The following ZZEF1 variants were observed in gnomAD, a reference collection of about 807,000 sequenced individuals.
The protein encoded by ZZEF1 is zinc finger ZZ-type and EF-hand domain-containing protein 1.
A neutral mutation model predicts 342.8 loss-of-function variants in ZZEF1; 157 were observed. That is an observed-to-expected ratio of 0.46 (90% confidence interval 0.40 to 0.52). The LOEUF (loss-of-function observed/expected upper bound fraction) is 0.52. Among genes scored for constraint, ZZEF1 ranks in the 20% least tolerant of loss-of-function variants. The probability of loss-of-function intolerance (pLI) is 0.00; values close to 1 mark genes in which losing one functional copy is unlikely to be tolerated. For synonymous variants in ZZEF1, 1,505 were observed against 1,429.1 expected (o/e 1.05, Z -1.20); for missense variants, 3,480 against 3,725.6 (o/e 0.93, Z 1.72).
At chr17:4,096,538 C>A in intron 10 of ZZEF1, 71 bp downstream of exon 10, 1 of 1,268,656 alleles carries the variant, frequency 7.9e-7, no homozygotes, top group Non-Finnish European at 1.1e-6. Flanking sequence ...AATATATATA[C>A]CTACTATGTA....
At chr17:4,038,424 T>A (rs2056724108) in intron 39 of ZZEF1, among the ~76,000 whole-genome samples, 1 of 152,200 alleles carries the variant, frequency 6.6e-6, no homozygotes, top group Non-Finnish European at 1.5e-5. Flanking sequence ...ATTCATATAA[T>A]GGAATTCTGG....
intron 1 of ZZEF1, among the ~76,000 whole-genome samples, chr17:4,126,000 G>A (rs945863900): frequency 2.0e-5 from 3 of 152,064 alleles, no homozygotes; most frequent in Admixed American, 2.0e-4. Context: ...GCCGAGGTGG[G>A]TGAATCATGA....
rs377252079 is a variant in ZZEF1 at position 4,013,573 on chromosome 17, C to A, written c.8455G>T (p.Val2819Leu). ...LKQMLSEERV[V>L]PHLPLAKIWE... ...ATTTTTGCCAATGGGAGATGAGGCACGACCCTTTCTTCTGACAACATCTGC... is the reference window on the plus strand; with the variant it reads ...ATTTTTGCCAATGGGAGATGAGGCAAGACCCTTTCTTCTGACAACATCTGC... The change falls in exon 52 of 55, where the codon GTG becomes TTG. Residue 2819 changes from valine to leucine, a missense_variant. This residue lies in a region of ZZEF1 where 1,269 missense variants were observed against 1,342.4 expected (regional missense o/e 0.95). Transcript: ENST00000381638. 6.2e-7 allele frequency: 1 copy of A among 1,613,832 alleles called. No homozygotes were observed. The highest frequency in any genetic ancestry group is 8.5e-7 in the Non-Finnish European group (1 of 1,179,924).
intron 1 of ZZEF1, among the ~76,000 whole-genome samples, chr17:4,132,622 G>A (rs62071048): frequency 0.71 from 100,751 of 141,204 alleles, 38,992 homozygotes; most frequent in East Asian, 0.98. Context: ...CACAAAGTCG[G>A]GAGATCGAGA....
chr17:4,123,026 T>C (rs1436418082), intron 2 of ZZEF1, among the ~76,000 whole-genome samples: 1 of 150,696 alleles, frequency 6.6e-6, no homozygotes, highest in Non-Finnish European at 1.5e-5. Context: ...TTAACGCCAT[T>C]CTCCTGCCTC....
chr17:4,114,439 C>A lies in ZZEF1; in HGVS notation c.726G>T (p.Glu242Asp), dbSNP rs759807022. ...TTGCTACTGACTTGAGTTTATCCATCTCTGGACTTCTAGTTAGATCTCCAG... is the reference window on the plus strand; with the variant it reads ...TTGCTACTGACTTGAGTTTATCCATATCTGGACTTCTAGTTAGATCTCCAG... ...ESPGDLTRSP[E>D]MDKLKSVAKC... Residue 242 changes from glutamate to aspartate, a missense_variant, in exon 4 of 55, where the codon GAG (glutamate) becomes GAT (aspartate). Transcript: ENST00000381638. The A allele has an allele frequency of 9.4e-6, 15 of 1,596,134 alleles. No individual in the cohort carries two copies. Among genetic ancestry groups the A allele is most frequent in the Non-Finnish European group, 1.3e-5 (15 of 1,171,474 alleles).
rs1407592807 is a variant in ZZEF1, at chr17:4,034,019, C to A, written c.6580G>T (p.Asp2194Tyr). The change falls in exon 40 of 55, where the codon GAC (aspartate) becomes TAC (tyrosine). Residue 2194 changes from aspartate (D) to tyrosine (Y), a missense_variant. Coordinates refer to ENST00000381638, the MANE Select transcript of ZZEF1 (RefSeq NM_015113.4). The stretch of plus-strand genomic sequence containing the variant: ...AGGAGCGAGGACCAAGGCTACCTGT[C>A]CAGACACACAGCTCCCAGGCTAAAG... ...LLFSLGAVCL[D>Y]SRVGLDWACS... 6.2e-6 allele frequency: 10 copies of A among 1,613,744 alleles called. No individual in the cohort carries two copies. Among genetic ancestry groups the A allele is most frequent in the African/African-American group, 1.3e-5 (1 of 74,934 alleles).
rs757517809 is a variant in ZZEF1, at chr17:4,095,973, G to A, written c.1771C>T (p.Arg591Cys). The A allele has an allele frequency of 1.1e-5, 17 of 1,608,230 alleles. No individual in the cohort carries two copies. In the Admixed American group the frequency reaches 1.3e-4, roughly 13 times the overall value. ...QVTQIRIMVR[R>C]GGIGAQCGLV... ...CCACACTGGGCACCAATGCCACCAC[G>A]TCGAACCTGGAAACAGAGATTAGGA... Residue 591 changes from arginine (R) to cysteine (C), a missense_variant, in exon 11 of 55, where the codon CGT (arginine) becomes TGT (cysteine). Physicochemically the swap from Arg to Cys is radical, Grantham distance 180. Around this residue, in one of 5 missense-constraint regions of ZZEF1, gnomAD observed 1,528 missense variants for 1,624.1 expected, o/e 0.94. Coordinates refer to ENST00000381638, the MANE Select transcript of ZZEF1 (RefSeq NM_015113.4).
intron 26 of ZZEF1, among the ~76,000 whole-genome samples, chr17:4,068,960 T>G (rs1220053815): frequency 2.6e-5 from 4 of 152,182 alleles, no homozygotes; most frequent in Non-Finnish European, 5.9e-5. Flanking sequence ...TATATCAATA[T>G]CTATATCACA....
rs200756957 is a variant in ZZEF1 at position 4,116,996 on chromosome 17, C to T, written c.670G>A (p.Asp224Asn). 1 of 1,611,316 alleles carries T rather than the reference C, an allele frequency of 6.2e-7. No individual in the cohort carries two copies. The highest frequency in any genetic ancestry group is 8.5e-7 in the Non-Finnish European group (1 of 1,178,112). ...CCCTTTTCCTTTTGTACCAGCTGAT[C>T]CAGAGACTCCTTCAGGACGGAAGAC... ...MRSSVLKESL[D>N]QLVQKEKESP... The change falls in exon 3 of 55, where the codon GAT becomes AAT. Residue 224 changes from aspartate to asparagine, a missense_variant. Coordinates refer to ENST00000381638, the MANE Select transcript of ZZEF1 (RefSeq NM_015113.4).
intron 1 of ZZEF1, among the ~76,000 whole-genome samples, chr17:4,132,241 T>C (rs1425927396): frequency 6.7e-6 from 1 of 149,026 alleles, no homozygotes. Flanking sequence ...TGGAGTGCAG[T>C]GGTGCAATCA....
chr17:4,082,330 T>G, intron 17 of ZZEF1, 107 bp downstream of exon 17: 1 of 1,030,016 alleles, frequency 9.7e-7, no homozygotes, highest in Non-Finnish European at 1.5e-6. Context: ...TCTAACTGAG[T>G]GGCAGGAAGT....
chr17:4,074,336 C>A lies in ZZEF1; in HGVS notation c.3499G>T (p.Ala1167Ser), dbSNP rs1271113899. The A allele has an allele frequency of 1.2e-6, 2 of 1,614,084 alleles. No homozygotes were observed. Among genetic ancestry groups the A allele is most frequent in the Non-Finnish European group, 1.7e-6 (2 of 1,180,038 alleles). The change falls in exon 24 of 55, where the codon GCC (alanine) becomes TCC (serine). Residue 1167 changes from alanine (A) to serine (S), a missense_variant. Coordinates refer to ENST00000381638, the MANE Select transcript of ZZEF1 (RefSeq NM_015113.4). ...AAGAGGAACTGCAACCGAGGACCGG[C>A]CTTGAAGGTCACTTTCTAGAGACAA... Reference protein sequence around the residue: ...DKWPKKVTFKAGPRLQFLFHS... With the variant: ...DKWPKKVTFKSGPRLQFLFHS...
At chr17:4,104,904 T>C (rs1171519653) in intron 7 of ZZEF1, 93 bp from the exon 8 acceptor site, 1 of 1,064,108 alleles carries the variant, frequency 9.4e-7, no homozygotes, top group African/African-American at 1.6e-5. Context: ...ACAAGTAACA[T>C]TAACCTGCCA....
Position 4,114,484 on chromosome 17 carries a change from C to T in ZZEF1, c.695-14G>A, listed in dbSNP as rs2058362948. 2 of 1,483,608 alleles carry T rather than the reference C, an allele frequency of 1.3e-6. No individual in the cohort carries two copies. 91.9% of individuals were successfully genotyped at this position (1,483,608 alleles called of 1,614,324 possible). A position where few individuals can be genotyped will look rare whatever the true frequency, so the allele number is the denominator to read the frequency against. On this transcript the variant is annotated splice_polypyrimidine_tract_variant and intron_variant, in intron 3 of 54. Transcript: ENST00000381638. ...CTCCAGGGCTTTCTGTAGGGGAAACCAGAGTTGATTATATGACATCCCTTT... is the reference window on the plus strand; with the variant it reads ...CTCCAGGGCTTTCTGTAGGGGAAACTAGAGTTGATTATATGACATCCCTTT...
rs2057349186 is a variant in ZZEF1 at position 4,064,433 on chromosome 17, G to T, written c.4646C>A (p.Thr1549Lys). 1 of 1,613,886 alleles carries T rather than the reference G, an allele frequency of 6.2e-7. No homozygotes were observed. Among genetic ancestry groups the T allele is most frequent in the South Asian group, 1.1e-5 (1 of 91,078 alleles). The change falls in exon 29 of 55, where the codon ACA becomes AAA. Residue 1549 changes from threonine to lysine, a missense_variant. By Grantham distance (78) the Thr-to-Lys change is moderately conservative. Around this residue, in one of 5 missense-constraint regions of ZZEF1, gnomAD observed 1,528 missense variants for 1,624.1 expected, o/e 0.94. Coordinates refer to ENST00000381638, the MANE Select transcript of ZZEF1 (RefSeq NM_015113.4). Reference sequence around the variant, plus strand: ...CAGCACAGGGTATTTCTCTTTCACTGTGGGCACCAGTCTGGCCTCCTCCAT... The same window carrying T: ...CAGCACAGGGTATTTCTCTTTCACTTTGGGCACCAGTCTGGCCTCCTCCAT... ...RSMEEARLVPTVKEKYPVLKD... is the reference protein window; with the variant it reads ...RSMEEARLVPKVKEKYPVLKD...
Position 4,109,636 on chromosome 17 carries a change from T to C in ZZEF1, c.1277+17A>G, listed in dbSNP as rs762907838. Reference sequence around the variant, plus strand: ...AGGGCATGTTGAGGGGGCTGGAACATAGAGAGAATGACTTACTGAGTATTG... The same window carrying C: ...AGGGCATGTTGAGGGGGCTGGAACACAGAGAGAATGACTTACTGAGTATTG... On this transcript the variant is annotated intron_variant, in intron 6 of 54. Transcript: ENST00000381638. 7 of 1,613,418 alleles carry C rather than the reference T, an allele frequency of 4.3e-6. No homozygotes were observed. The African/African-American group carries it at 6.7e-5, about 15-fold the overall frequency.
At chr17:4,039,855 A>G (rs1441891484) in intron 39 of ZZEF1, among the ~76,000 whole-genome samples, 4 of 152,072 alleles carry the variant, frequency 2.6e-5, no homozygotes, top group East Asian at 1.9e-4. Context: ...TGTGTTAGCC[A>G]GGATGGTCTC....
chr17:4,011,628 T>A (rs1293293608), intron 52 of ZZEF1, among the ~76,000 whole-genome samples: 2 of 151,878 alleles, frequency 1.3e-5, no homozygotes, highest in African/African-American at 4.8e-5. Flanking sequence ...AGAAGAAAAA[T>A]TATGAAATAA....
Sources: gnomAD v4.1 joint callset for allele counts (sites outside exome capture counted in the v4.1 genomes callset) on GRCh38, gnomAD v4.1.1 for gene constraint, gnomAD v4.1.1 regional missense constraint, MANE v1.5 for transcripts, NCBI Gene and HGNC (gene_info 2026-07-23, HGNC 2026-07-21) for gene names.